Variants in PEX26 observed in about 807,000 individuals in gnomAD.
PEX26 encodes the protein peroxisomal biogenesis factor 26.
In PEX26, 18 loss-of-function variants were observed where a neutral mutation model predicts 31.4. The observed-to-expected ratio is 0.57, with a 90% CI of 0.40 to 0.85. PEX26 has a LOEUF of 0.85. Among genes scored for constraint, PEX26 ranks in the 40% least tolerant of loss-of-function variants. The pLI, the probability that PEX26 is intolerant of heterozygous loss-of-function variation, is 0.00. For missense variants in PEX26, 377 were observed against 383.9 expected, an observed-to-expected ratio of 0.98 and a Z score of 0.15; for synonymous variants, 176 against 166.9, an observed-to-expected ratio of 1.05 and a Z score of -0.42.
Position 18,078,472 on chromosome 22 carries a change from G to A in PEX26, c.96G>A (p.Ala32=). The part of the protein sequence containing the change: ...SEPVRAVPAR[A]PAVDLLEEAA... ...CGGTGCGCGCGGTCCCGGCCCGGGC[G>A]CCGGCCGTGGACCTTCTGGAGGAGG... The change falls in exon 1 of 5, where the codon GCG becomes GCA. Residue 32 remains alanine (A), a synonymous_variant. Coordinates refer to ENST00000399744, the MANE Select transcript of PEX26 (RefSeq NM_001127649.3). 1.3e-6 allele frequency: 2 copies of A among 1,573,224 alleles called. No individual in the cohort carries two copies. The highest frequency in any genetic ancestry group is 1.7e-6 in the Non-Finnish European group (2 of 1,162,148).
At chr22:18,086,622 G>A (rs1926853030) in intron 4 of PEX26, among the ~76,000 whole-genome samples, 1 of 152,192 alleles carries the variant, frequency 6.6e-6, no homozygotes, top group South Asian at 2.1e-4. Context: ...TCAGGTGCAT[G>A]AAGCCAAACT....
intron 4 of PEX26, among the ~76,000 whole-genome samples, chr22:18,086,827 G>A (rs1021946837): frequency 5.9e-5 from 9 of 151,994 alleles, no homozygotes; most frequent in Non-Finnish European, 1.3e-4. Flanking sequence ...TTAGTCTTTA[G>A]ATTCTCCCTG....
chr22:18,101,519 G>A lies in PEX26; in HGVS notation c.*13444G>A, dbSNP rs1927449815. The A allele has an allele frequency of 6.3e-6, 1 of 159,564 alleles. No individual in the cohort carries two copies. The highest frequency in any genetic ancestry group is 1.4e-5 in the Non-Finnish European group (1 of 72,882). The allele number at this position is 159,564 out of a possible 1,614,324, so 9.9% of individuals were successfully genotyped here. A position where few individuals can be genotyped will look rare whatever the true frequency, so the allele number is the denominator to read the frequency against. On this transcript the variant is annotated 3_prime_UTR_variant, in exon 5 of 5. Transcript: ENST00000399744. ...AGGAGCATGTGGCACCCTCATTGGA[G>A]GCTGGAGCACTGCTGCAGAAAGTGA...
chr22:18,101,135 G>A lies in PEX26; in HGVS notation c.*13060G>A, dbSNP rs912080073. 1 of 152,188 alleles carries A rather than the reference G, an allele frequency of 6.6e-6. No individual in the cohort carries two copies. The highest frequency in any genetic ancestry group is 1.5e-5 in the Non-Finnish European group (1 of 68,024). 9.4% of individuals were successfully genotyped at this position (152,188 alleles called of 1,614,324 possible). Reference sequence around the variant, plus strand: ...ATTTTTCCAAAAATAATGCTTAAAAGAGACTTCTAGAAACAGTGGGACTGT... The same window carrying A: ...ATTTTTCCAAAAATAATGCTTAAAAAAGACTTCTAGAAACAGTGGGACTGT... On this transcript the variant is annotated 3_prime_UTR_variant, in exon 5 of 5. Coordinates refer to ENST00000399744, the MANE Select transcript of PEX26 (RefSeq NM_001127649.3).
chr22:18,086,131 C>G (rs369546520), intron 4 of PEX26, among the ~76,000 whole-genome samples: 21 of 151,986 alleles, frequency 1.4e-4, no homozygotes, highest in African/African-American at 5.1e-4. Context: ...AACCCCGTCT[C>G]TACTAAAAAT....
Position 18,095,331 on chromosome 22 carries a change from G to A in PEX26, c.*7256G>A, listed in dbSNP as rs950029511. Reference sequence around the variant, plus strand: ...TCCTGGGTAGGTATAAATACAAGCTGGTAGTTTCATTGGATGACTCACACA... The same window carrying A: ...TCCTGGGTAGGTATAAATACAAGCTAGTAGTTTCATTGGATGACTCACACA... On this transcript the variant is annotated 3_prime_UTR_variant, in exon 5 of 5. Transcript: ENST00000399744. 2 of 152,146 alleles carry A rather than the reference G, an allele frequency of 1.3e-5. No homozygotes were observed. Among genetic ancestry groups the A allele is most frequent in the Non-Finnish European group, 2.9e-5 (2 of 68,028 alleles). The allele number at this position is 152,146 out of a possible 1,614,324, so 9.4% of individuals were successfully genotyped here. A position where few individuals can be genotyped will look rare whatever the true frequency, so the allele number is the denominator to read the frequency against.
chr22:18,086,936 T>TG (rs977790082), intron 4 of PEX26, among the ~76,000 whole-genome samples: 1 of 152,020 alleles, frequency 6.6e-6, no homozygotes, highest in Non-Finnish European at 1.5e-5. Flanking sequence ...TTTTTGATAC[T>TG]GGGTCTTTCT....
Position 18,078,562 on chromosome 22 carries a change from G to A in PEX26, c.186G>A (p.Trp62Ter), listed in dbSNP as rs1569185900. 6.3e-7 allele frequency: 1 copy of A among 1,595,380 alleles called. No individual in the cohort carries two copies. Residue 62 changes from tryptophan to a stop codon, truncating the protein, a stop_gained, in exon 1 of 5, where the codon TGG (tryptophan) becomes TGA (stop). Coordinates refer to ENST00000399744, the MANE Select transcript of PEX26 (RefSeq NM_001127649.3). LOFTEE classifies it high-confidence loss of function. ...CGCTGGAGACCTGCGAGCGGGCCTG[G>A]CAGAGTCTGGCCAACCACGCCGTGG... is the stretch of plus-strand genomic sequence containing the variant. ...RAALETCERAWQSLANHAVAE... is the reference protein window; with the variant it reads ...RAALETCERA
chr22:18,085,049 G>T (rs1926783120), intron 3 of PEX26, 63 bp from the exon 4 acceptor site: 2 of 1,587,222 alleles, frequency 1.3e-6, no homozygotes, highest in Non-Finnish European at 1.7e-6. Context: ...AAGCACAGAG[G>T]TCGGGGTCAG....
chr22:18,086,359 CT>C lies in PEX26; in HGVS notation c.814+1102del, dbSNP rs376075946. 2.1e-4 allele frequency among the ~76,000 whole-genome samples: 32 copies of C among 152,276 alleles called. No individual in the cohort carries two copies. In the East Asian group the frequency reaches 5.2e-3, roughly 25 times the overall value. ...GTATAAAGAAGGGCATAGAAATCTG[CT>C]ACTCTGCTGTGCTTTCAGTCTTTTT... On this transcript the variant is annotated intron_variant, in intron 4 of 4. Coordinates refer to ENST00000399744, the MANE Select transcript of PEX26 (RefSeq NM_001127649.3).
chr22:18,102,486 G>T lies in PEX26; in HGVS notation c.*14411G>T, dbSNP rs9617656. 0.032 allele frequency: 4,923 copies of T among 154,798 alleles called. 243 individuals are homozygous for T. Among genetic ancestry groups the T allele is most frequent in the African/African-American group, 0.11 (4,551 of 41,506 alleles). 9.6% of individuals were successfully genotyped at this position (154,798 alleles called of 1,614,324 possible). A position where few individuals can be genotyped will look rare whatever the true frequency, so the allele number is the denominator to read the frequency against. ...TGCCACAGCTTGTTCGGGGAAGCTG[G>T]CATAGAAGATGATTTGCTCAACAAA... On this transcript the variant is annotated 3_prime_UTR_variant, in exon 5 of 5. Coordinates refer to ENST00000399744, the MANE Select transcript of PEX26 (RefSeq NM_001127649.3).
rs1927572570 is a variant in PEX26, at chr22:18,104,942, G to T, written c.*16867G>T. On this transcript the variant is annotated 3_prime_UTR_variant, in exon 5 of 5. Coordinates refer to ENST00000399744, the MANE Select transcript of PEX26 (RefSeq NM_001127649.3). ...CCCCTGCAGCATCTGAGACACATGG[G>T]TGAATGTATGTAAGGTACTTGGGGC... The T allele has an allele frequency of 6.6e-6, 1 of 152,166 alleles. No individual in the cohort carries two copies. Among genetic ancestry groups the T allele is most frequent in the Admixed American group, 6.6e-5 (1 of 15,240 alleles). 9.4% of individuals were successfully genotyped at this position (152,166 alleles called of 1,614,324 possible). A position where few individuals can be genotyped will look rare whatever the true frequency, so the allele number is the denominator to read the frequency against.
At position 18,078,408 on chromosome 22, in the gene PEX26, C is replaced by A. The variant is rs200279475; in HGVS notation, c.32C>A (p.Pro11His). The change falls in exon 1 of 5, where the codon CCC becomes CAC. Residue 11 changes from proline to histidine, a missense_variant. Coordinates refer to ENST00000399744, the MANE Select transcript of PEX26 (RefSeq NM_001127649.3). MKSDSSTSAA[P>H]LRGLGGPLRS... Reference sequence around the variant, plus strand: ...AGCGATTCTTCGACCTCTGCAGCCCCCCTCAGGGGGCTCGGGGGACCCCTG... The same window carrying A: ...AGCGATTCTTCGACCTCTGCAGCCCACCTCAGGGGGCTCGGGGGACCCCTG... 2 of 1,597,642 alleles carry A rather than the reference C, an allele frequency of 1.3e-6. No individual in the cohort carries two copies. The highest frequency in any genetic ancestry group is 1.7e-6 in the Non-Finnish European group (2 of 1,174,392).
rs1474389850 is a variant in PEX26 at position 18,093,523 on chromosome 22, A to G, written c.*5448A>G. On this transcript the variant is annotated 3_prime_UTR_variant, in exon 5 of 5. Transcript: ENST00000399744. ...GCTTGCAGTGAGCCTAGATGGCGCC[A>G]CTGCACTCCAGCCTGGGGGACAGAG... 1.3e-5 allele frequency: 2 copies of G among 151,726 alleles called. No individual in the cohort carries two copies. Among genetic ancestry groups the G allele is most frequent in the African/African-American group, 2.4e-5 (1 of 41,300 alleles). The allele number at this position is 151,726 out of a possible 1,614,324, so 9.4% of individuals were successfully genotyped here.
rs777633990 is a variant in PEX26, at chr22:18,078,529, C to A, written c.153C>A (p.Phe51Leu). 1.6e-5 allele frequency: 26 copies of A among 1,577,400 alleles called. No homozygotes were observed. Among genetic ancestry groups the A allele is most frequent in the Non-Finnish European group, 6.0e-6 (7 of 1,164,742 alleles). The change falls in exon 1 of 5, where the codon TTC becomes TTA. Residue 51 changes from phenylalanine to leucine, a missense_variant. Transcript: ENST00000399744. ...AADLLVVHLD[F>L]RAALETCERA... Reference sequence around the variant, plus strand: ...ACCTCCTGGTGGTGCACCTGGACTTCCGGGCGGCGCTGGAGACCTGCGAGC... The same window carrying A: ...ACCTCCTGGTGGTGCACCTGGACTTACGGGCGGCGCTGGAGACCTGCGAGC...
chr22:18,081,194 T>TAC (rs533119203), intron 2 of PEX26, among the ~76,000 whole-genome samples: 139 of 150,926 alleles, frequency 9.2e-4, no homozygotes, highest in South Asian at 1.5e-3. Flanking sequence ...TGTATATATA[T>TAC]ACACATATAT....
At chr22:18,086,954 C>T (rs972045645) in intron 4 of PEX26, among the ~76,000 whole-genome samples, 1 of 151,154 alleles carries the variant, frequency 6.6e-6, no homozygotes, top group Non-Finnish European at 1.5e-5. Flanking sequence ...TCTCTGTTGC[C>T]CAGGCTGGAG....
At position 18,090,429 on chromosome 22, in the gene PEX26, G is replaced by A. The variant is rs1927046039; in HGVS notation, c.*2354G>A. The A allele has an allele frequency of 6.6e-6, 1 of 152,290 alleles. No individual in the cohort carries two copies. Among genetic ancestry groups the A allele is most frequent in the Non-Finnish European group, 1.5e-5 (1 of 68,110 alleles). 9.4% of individuals were successfully genotyped at this position (152,290 alleles called of 1,614,324 possible). ...TGGCCTCTGTGCCTTGGCTCGCACTGTTCCTACTGAAGGCCTAGCACCTGC... is the reference window on the plus strand; with the variant it reads ...TGGCCTCTGTGCCTTGGCTCGCACTATTCCTACTGAAGGCCTAGCACCTGC... On this transcript the variant is annotated 3_prime_UTR_variant, in exon 5 of 5. Coordinates refer to ENST00000399744, the MANE Select transcript of PEX26 (RefSeq NM_001127649.3).
chr22:18,086,113 T>C (rs1300835196), intron 4 of PEX26, among the ~76,000 whole-genome samples: 3 of 151,668 alleles, frequency 2.0e-5, no homozygotes, highest in South Asian at 2.1e-4. Context: ...GCCTGGCCAA[T>C]ATGGTGAAAC....
Sources: allele counts gnomAD v4.1 joint callset (sites outside exome capture counted in the v4.1 genomes callset), GRCh38; gene constraint gnomAD v4.1.1; transcripts MANE v1.5; gene names NCBI Gene and HGNC (gene_info 2026-07-23, HGNC 2026-07-21).